The following PPP1R42 variants were observed in gnomAD, a reference collection of about 807,000 sequenced individuals.
PPP1R42 encodes the protein leucine rich repeat containing 67.
In PPP1R42, 34 loss-of-function variants were observed where a neutral mutation model predicts 31.0. The ratio of observed to expected loss-of-function variants is 1.10; its 90% confidence interval spans 0.83 to 1.46. PPP1R42 has a LOEUF of 1.46. Among genes scored for constraint, PPP1R42 ranks in the 40% most tolerant of loss-of-function variants. The pLI is 0.00. For synonymous variants in PPP1R42, 103 were observed against 109.8 expected (o/e 0.94, Z 0.39); for missense variants, 268 against 303.0 (o/e 0.88, Z 0.86).
chr8:66,973,225 T>C (rs1563413092), intron 7 of PPP1R42, among the ~76,000 whole-genome samples: 1 of 152,168 alleles, frequency 6.6e-6, no homozygotes, highest in Non-Finnish European at 1.5e-5. Context: ...TATAACATTC[T>C]ATATGGACTT....
chr8:66,985,916 T>G, intron 6 of PPP1R42: 1 of 865,686 alleles, frequency 1.2e-6, no homozygotes, highest in South Asian at 1.5e-5. Context: ...TCCTGATGAT[T>G]CCTTGGAGAG....
At chr8:66,987,020 T>G (rs1245796600) in intron 6 of PPP1R42, among the ~76,000 whole-genome samples, 1 of 152,224 alleles carries the variant, frequency 6.6e-6, no homozygotes, top group Non-Finnish European at 1.5e-5. Flanking sequence ...CATTCTTTGA[T>G]GCTCAGTTTT....
At chr8:66,989,356 C>T (rs999670003) in intron 5 of PPP1R42, among the ~76,000 whole-genome samples, 10 of 152,092 alleles carry the variant, frequency 6.6e-5, no homozygotes, top group African/African-American at 2.2e-4. Flanking sequence ...GTTTCTTTTC[C>T]TATCCAGTGT....
chr8:66,972,194 G>C (rs1182843514), intron 7 of PPP1R42, among the ~76,000 whole-genome samples: 1 of 152,144 alleles, frequency 6.6e-6, no homozygotes, highest in African/African-American at 2.4e-5. Context: ...GTGTATACAG[G>C]GATGTCACTG....
intron 7 of PPP1R42, chr8:66,968,599 T>A (rs910118239): frequency 2.0e-6 from 1 of 494,290 alleles, no homozygotes; most frequent in African/African-American, 2.1e-5. Flanking sequence ...TTAGGCTGAG[T>A]ATTTTGTTTT....
chr8:67,010,744 C>T lies in PPP1R42; in HGVS notation c.523G>A (p.Ala175Thr). 1 of 1,606,808 alleles carries T rather than the reference C, an allele frequency of 6.2e-7. No homozygotes were observed. Residue 175 changes from alanine (A) to threonine (T), a missense_variant, in exon 5 of 8, where the codon GCC (alanine) becomes ACC (threonine). Ala to Thr is a moderately conservative substitution (Grantham distance 58). Coordinates refer to ENST00000685739, the MANE Select transcript of PPP1R42 (RefSeq NM_001364910.1). ...ACATGCAGAAGTTGGTTGTCAACGG[C>T]TATGAGCTGATTAAGATTCTCTAGT... is the stretch of plus-strand genomic sequence containing the variant. ...ELLENLNQLI[A>T]VDNQLLHVKD...
At chr8:67,019,829 A>T (rs1237121597) in intron 1 of PPP1R42, among the ~76,000 whole-genome samples, 4 of 151,438 alleles carry the variant, frequency 2.6e-5, no homozygotes, top group Non-Finnish European at 5.9e-5. Context: ...GGGAGCTTGT[A>T]GTGAGCCGAG....
Position 66,988,379 on chromosome 8 carries a change from TATATTAATATAAATATGTA to T in PPP1R42, c.670+2_670+20del. 1 of 1,370,362 alleles carries T rather than the reference TATATTAATATAAATATGTA, an allele frequency of 7.3e-7. No individual in the cohort carries two copies. The highest frequency in any genetic ancestry group is 9.5e-7 in the Non-Finnish European group (1 of 1,058,156). The allele number at this position is 1,370,362 out of a possible 1,614,324, so 84.9% of individuals were successfully genotyped here. A position where few individuals can be genotyped will look rare whatever the true frequency, so the allele number is the denominator to read the frequency against. On this transcript the variant is annotated splice_donor_variant and splice_donor_5th_base_variant and intron_variant, in intron 6 of 7. Transcript: ENST00000685739. LOFTEE classifies it high-confidence loss of function. ...AACTAGGTGTCATTCTCTTAAAAAT[TATATTAATATAAATATGTA>T]CCCAGTGATTTGGACACCAATATCA...
chr8:67,002,754 C>T (rs1239912172), intron 5 of PPP1R42, among the ~76,000 whole-genome samples: 6 of 138,886 alleles, frequency 4.3e-5, no homozygotes, highest in African/African-American at 8.1e-5. Flanking sequence ...TTTTTTTTTC[C>T]GTGCTTTACT....
Position 67,024,644 on chromosome 8 carries a change from T to G in PPP1R42, c.-85+3847A>C, listed in dbSNP as rs1228137511. 2.0e-5 allele frequency among the ~76,000 whole-genome samples: 3 copies of G among 151,670 alleles called. No individual in the cohort carries two copies. The East Asian group carries it at 5.9e-4, about 30-fold the overall frequency. On this transcript the variant is annotated intron_variant, in intron 1 of 7. Coordinates refer to ENST00000685739, the MANE Select transcript of PPP1R42 (RefSeq NM_001364910.1). The stretch of plus-strand genomic sequence containing the variant: ...CGCCTCCCACCAAGCCCAGCTAATT[T>G]GTTGTATTTTTTTTAGTAGAGACGG...
chr8:67,017,913 C>A (rs954253233), intron 1 of PPP1R42, 82 bp from the exon 2 acceptor site: 8 of 632,152 alleles, frequency 1.3e-5, no homozygotes, highest in African/African-American at 1.9e-5. Flanking sequence ...TTAAATAATT[C>A]CCTTATATGA....
chr8:66,970,866 T>G, intron 7 of PPP1R42: 1 of 833,970 alleles, frequency 1.2e-6, no homozygotes, highest in Non-Finnish European at 2.0e-6. Context: ...CAAAAAGGAT[T>G]GAGAACAAAG....
chr8:67,017,969 G>T, intron 1 of PPP1R42, 138 bp from the exon 2 acceptor site: 1 of 371,572 alleles, frequency 2.7e-6, no homozygotes, highest in Non-Finnish European at 4.6e-6. Flanking sequence ...GGGCACTGAG[G>T]TATTTTCTAA....
At chr8:66,972,215 T>G (rs891593184) in intron 7 of PPP1R42, among the ~76,000 whole-genome samples, 1 of 152,170 alleles carries the variant, frequency 6.6e-6, no homozygotes, top group East Asian at 1.9e-4. Context: ...CTTTTAAGCC[T>G]GAGAGTTCCA....
At position 66,975,766 on chromosome 8, in the gene PPP1R42, T is replaced by A. The variant is rs186176318; in HGVS notation, c.802+6283A>T. On this transcript the variant is annotated intron_variant, in intron 7 of 7. Transcript: ENST00000685739. Reference sequence around the variant, plus strand: ...TTTAGTTGAGACATAATTGTACATATTTATAGGGTACATAGTGATGTTGCA... The same window carrying A: ...TTTAGTTGAGACATAATTGTACATAATTATAGGGTACATAGTGATGTTGCA... Among the ~76,000 whole-genome samples, 600 of 152,302 alleles carry A rather than the reference T, an allele frequency of 3.9e-3. 7 individuals are homozygous for A. Among genetic ancestry groups the A allele is most frequent in the African/African-American group, 0.014 (585 of 41,564 alleles).
chr8:67,017,528 T>G, intron 2 of PPP1R42, 91 bp downstream of exon 2: 1 of 655,122 alleles, frequency 1.5e-6, no homozygotes, highest in Non-Finnish European at 2.3e-6. Context: ...ATAATGAAAA[T>G]ATAGTTAAAA....
chr8:66,976,267 C>T (rs545204585), intron 7 of PPP1R42, among the ~76,000 whole-genome samples: 219 of 152,230 alleles, frequency 1.4e-3, no homozygotes, highest in Non-Finnish European at 1.8e-3. Flanking sequence ...CTCAGGGCTC[C>T]TGCTGACTCT....
chr8:67,001,610 G>C (rs1163836909), intron 5 of PPP1R42, among the ~76,000 whole-genome samples: 1 of 151,768 alleles, frequency 6.6e-6, no homozygotes, highest in Non-Finnish European at 1.5e-5. Context: ...TTTAGTAGTT[G>C]CTTCAGCGTT....
chr8:67,002,973 A>G (rs1420223825), intron 5 of PPP1R42, among the ~76,000 whole-genome samples: 1 of 149,248 alleles, frequency 6.7e-6, no homozygotes, highest in Non-Finnish European at 1.5e-5. Flanking sequence ...TGGCCAACAT[A>G]GTGAAACCCC....
Sources: allele counts gnomAD v4.1 joint callset (sites outside exome capture counted in the v4.1 genomes callset), GRCh38; gene constraint gnomAD v4.1.1; transcripts MANE v1.5; gene names NCBI Gene and HGNC (gene_info 2026-07-23, HGNC 2026-07-21).